The following TIFAB variants were observed in gnomAD, a reference collection of about 807,000 sequenced individuals.
The protein encoded by TIFAB is TIFA inhibitor.
For missense variants in TIFAB, 222 were observed against 203.6 expected (o/e 1.09, Z -0.55); for synonymous variants, 116 against 95.2 (o/e 1.22, Z -1.27).
rs764855688 is a variant in TIFAB at position 135,446,904 on chromosome 5, G to A, written c.*2550C>T. 5.6e-6 allele frequency: 9 copies of A among 1,613,406 alleles called. No homozygotes were observed. Among genetic ancestry groups the A allele is most frequent in the Non-Finnish European group, 7.6e-6 (9 of 1,179,586 alleles). ...GGCAAGGTTTTGTTCCTCCCTGGAG[G>A]GTAGAGACCCTCACTGAGGCCCTGG... On this transcript the variant is annotated 3_prime_UTR_variant, in exon 2 of 2. Coordinates refer to ENST00000537858, the MANE Select transcript of TIFAB (RefSeq NM_001099221.2).
At position 135,446,387 on chromosome 5, in the gene TIFAB, T is replaced by G; in HGVS notation, c.*3067A>C. The G allele has an allele frequency of 6.2e-7, 1 of 1,602,964 alleles. No homozygotes were observed. Among genetic ancestry groups the G allele is most frequent in the Non-Finnish European group, 8.5e-7 (1 of 1,172,032 alleles). ...ACGCACACATGTTCACTCAGGCACG[T>G]GGGCTGCCCTGCGGTGGGAGCTGAG... On this transcript the variant is annotated 3_prime_UTR_variant, in exon 2 of 2. Coordinates refer to ENST00000537858, the MANE Select transcript of TIFAB (RefSeq NM_001099221.2).
chr5:135,451,686 G>A (rs1057308884), intron 1 of TIFAB, among the ~76,000 whole-genome samples: 4 of 152,114 alleles, frequency 2.6e-5, no homozygotes, highest in African/African-American at 9.7e-5. Flanking sequence ...GTTTCGCCAT[G>A]TTGGCCAGGC....
rs1198718052 is a variant in TIFAB, at chr5:135,449,820, C to G, written c.120G>C (p.Arg40=). Residue 40 remains arginine (R), a synonymous_variant, in exon 2 of 2, where the codon CGG becomes CGC. Coordinates refer to ENST00000537858, the MANE Select transcript of TIFAB (RefSeq NM_001099221.2). ...GCAGCTGGAGGTGGGCGTCCTGCCC[C>G]CGTCCGAGAAGCAGAGGGCTGGTAT... The part of the protein sequence containing the change: ...QHDTSPLLLG[R]GQDAHLQLQL... 6.2e-7 allele frequency: 1 copy of G among 1,609,632 alleles called. No homozygotes were observed.
In TIFAB at chr5:135,447,064, G is replaced by T. The variant is rs370225970; in HGVS notation, c.*2390C>A. On this transcript the variant is annotated 3_prime_UTR_variant, in exon 2 of 2. Transcript: ENST00000537858. ...GGTGTCCAGGTACAGTCTCCAGGCC[G>T]TGGCTTCTCGAGTTCTGTATGTGGG... 4 of 1,613,914 alleles carry T rather than the reference G, an allele frequency of 2.5e-6. No homozygotes were observed. The highest frequency in any genetic ancestry group is 1.3e-5 in the African/African-American group (1 of 74,926).
At position 135,449,665 on chromosome 5, in the gene TIFAB, C is replaced by G. The variant is rs773530832; in HGVS notation, c.275G>C (p.Arg92Thr). The G allele has an allele frequency of 1.2e-6, 2 of 1,614,162 alleles. No individual in the cohort carries two copies. Among genetic ancestry groups the G allele is most frequent in the South Asian group, 1.1e-5 (1 of 91,086 alleles). The change falls in exon 2 of 2, where the codon AGG (arginine) becomes ACG (threonine). Residue 92 changes from arginine (R) to threonine (T), a missense_variant. Arg to Thr is a moderately conservative substitution (Grantham distance 71). Coordinates refer to ENST00000537858, the MANE Select transcript of TIFAB (RefSeq NM_001099221.2). ...GCTCAGGGGGACCTGCTCCAGGTAC[C>G]TCAGCGTCAGCCCATTGACCCACAC... ...GCVWVNGLTLRYLEQVPLSTV... is the reference protein window; with the variant it reads ...GCVWVNGLTLTYLEQVPLSTV...
rs1447481288 is a variant in TIFAB at position 135,446,247 on chromosome 5, A to T, written c.*3207T>A. On this transcript the variant is annotated 3_prime_UTR_variant, in exon 2 of 2. Transcript: ENST00000537858. ...AGAACTATAGTAAGTGGGGGTGGGG[A>T]CAAGAATTCTAACCCAGGCAGCAGT... 4 of 1,146,984 alleles carry T rather than the reference A, an allele frequency of 3.5e-6. No homozygotes were observed. The highest frequency in any genetic ancestry group is 3.7e-6 in the Non-Finnish European group (3 of 807,442). 71.1% of individuals were successfully genotyped at this position (1,146,984 alleles called of 1,614,324 possible).
At position 135,447,435 on chromosome 5, in the gene TIFAB, C is replaced by T. The variant is rs529769529; in HGVS notation, c.*2019G>A. ...TCAGGTCTCATGATAGTAGCTAACCCTTATTAAGTGTGTGCTGGGCACTGA... is the reference window on the plus strand; with the variant it reads ...TCAGGTCTCATGATAGTAGCTAACCTTTATTAAGTGTGTGCTGGGCACTGA... On this transcript the variant is annotated 3_prime_UTR_variant, in exon 2 of 2. Transcript: ENST00000537858. The T allele has an allele frequency of 6.7e-5, 26 of 387,404 alleles. No homozygotes were observed. Among genetic ancestry groups the T allele is most frequent in the African/African-American group, 5.2e-4 (25 of 48,210 alleles). The allele number at this position is 387,404 out of a possible 1,614,324, so 24.0% of individuals were successfully genotyped here.
In TIFAB at chr5:135,446,724, G is replaced by T. The variant is rs12518053; in HGVS notation, c.*2730C>A. ...CTGAAACTACAAACCAGATGTTTCC[G>T]GGCTCCCTCCCGCCTGGTCTGGCCT... On this transcript the variant is annotated 3_prime_UTR_variant, in exon 2 of 2. Coordinates refer to ENST00000537858, the MANE Select transcript of TIFAB (RefSeq NM_001099221.2). 795,394 of 1,613,234 alleles carry T rather than the reference G, an allele frequency of 0.49. 204,121 individuals carry two copies. Among genetic ancestry groups the T allele is most frequent in the African/African-American group, 0.89 (67,108 of 75,000 alleles).
In TIFAB at chr5:135,446,182, A is replaced by G; in HGVS notation, c.*3272T>C. The G allele has an allele frequency of 1.5e-6, 1 of 648,300 alleles. No homozygotes were observed. Among genetic ancestry groups the G allele is most frequent in the South Asian group, 2.3e-5 (1 of 44,084 alleles). 40.2% of individuals were successfully genotyped at this position (648,300 alleles called of 1,614,324 possible). A position where few individuals can be genotyped will look rare whatever the true frequency, so the allele number is the denominator to read the frequency against. On this transcript the variant is annotated 3_prime_UTR_variant, in exon 2 of 2. Transcript: ENST00000537858. Reference sequence around the variant, plus strand: ...ACTTTCCCGTTTTCTACAAGAAGAAACTGTGGCACGGAGAGATTCAGTTAC... The same window carrying G: ...ACTTTCCCGTTTTCTACAAGAAGAAGCTGTGGCACGGAGAGATTCAGTTAC...
In TIFAB at chr5:135,449,850, C is replaced by T; in HGVS notation, c.90G>A (p.Gln30=). ...CGAGAAGCAGAGGGCTGGTATCATG[C>T]TGCAGCCGTGGTGGGACATTGGCAA... is the stretch of plus-strand genomic sequence containing the variant. ...SAFANVPPRL[Q]HDTSPLLLGR... Residue 30 remains glutamine, a synonymous_variant, in exon 2 of 2, where the codon CAG becomes CAA. Coordinates refer to ENST00000537858, the MANE Select transcript of TIFAB (RefSeq NM_001099221.2). 1.9e-6 allele frequency: 3 copies of T among 1,595,608 alleles called. No individual in the cohort carries two copies. Among genetic ancestry groups the T allele is most frequent in the Non-Finnish European group, 2.6e-6 (3 of 1,168,664 alleles).
Position 135,451,977 on chromosome 5 carries a change from C to T in TIFAB, c.-11+232G>A, listed in dbSNP as rs113998357. Among the ~76,000 whole-genome samples, 1,048 of 152,372 alleles carry T rather than the reference C, an allele frequency of 6.9e-3. 20 individuals carry two copies. Among genetic ancestry groups the T allele is most frequent in the African/African-American group, 0.024 (1,001 of 41,592 alleles). ...GTGTGGCCTTACTCTCTGCTCCAACCAGAGCTAACAGAAATCTCCCACTAA... is the reference window on the plus strand; with the variant it reads ...GTGTGGCCTTACTCTCTGCTCCAACTAGAGCTAACAGAAATCTCCCACTAA... On this transcript the variant is annotated intron_variant, in intron 1 of 1. Coordinates refer to ENST00000537858, the MANE Select transcript of TIFAB (RefSeq NM_001099221.2).
intron 1 of TIFAB, among the ~76,000 whole-genome samples, chr5:135,451,061 AG>A (rs2150033838): frequency 6.6e-6 from 1 of 152,186 alleles, no homozygotes; most frequent in Non-Finnish European, 1.5e-5. Context: ...AGGCCTCCCA[AG>A]GGCTGGGTAT....
chr5:135,446,173 CAAG>C lies in TIFAB; in HGVS notation c.*3278_*3280del. ...GTACTGTGAACTTTCCCGTTTTCTA[CAAG>C]AAGAAACTGTGGCACGGAGAGATTC... On this transcript the variant is annotated 3_prime_UTR_variant, in exon 2 of 2. Coordinates refer to ENST00000537858, the MANE Select transcript of TIFAB (RefSeq NM_001099221.2). The C allele has an allele frequency of 1.6e-6, 1 of 618,380 alleles. No individual in the cohort carries two copies. Among genetic ancestry groups the C allele is most frequent in the South Asian group, 2.4e-5 (1 of 42,426 alleles). 38.3% of individuals were successfully genotyped at this position (618,380 alleles called of 1,614,324 possible).
At chr5:135,450,098 T>C (rs367552458) in intron 1 of TIFAB, 149 bp from the exon 2 acceptor site, 11 of 1,080,148 alleles carry the variant, frequency 1.0e-5, no homozygotes, top group South Asian at 5.9e-5. Flanking sequence ...AAGGCTGGAA[T>C]TGGTGTGGAA....
rs1417103624 is a variant in TIFAB at position 135,449,685 on chromosome 5, C to A, written c.255G>T (p.Trp85Cys). The change falls in exon 2 of 2, where the codon TGG becomes TGT. Residue 85 changes from tryptophan to cysteine, a missense_variant. Coordinates refer to ENST00000537858, the MANE Select transcript of TIFAB (RefSeq NM_001099221.2). ...GGTACCTCAGCGTCAGCCCATTGAC[C>A]CACACACAGCCCTTGCGGCTCAGGG... ...LKALSRKGCV[W>C]VNGLTLRYLE... The A allele has an allele frequency of 1.9e-6, 3 of 1,614,054 alleles. No individual in the cohort carries two copies. Among genetic ancestry groups the A allele is most frequent in the African/African-American group, 2.7e-5 (2 of 74,950 alleles).
intron 1 of TIFAB, 98 bp downstream of exon 1, chr5:135,452,111 A>C (rs531334597): frequency 1.3e-5 from 2 of 152,384 alleles, no homozygotes; most frequent in Admixed American, 1.3e-4. Context: ...GGCAGGAGGA[A>C]GACACTCCAG....
intron 1 of TIFAB, among the ~76,000 whole-genome samples, chr5:135,451,731 G>A (rs1457845730): frequency 4.6e-5 from 7 of 152,206 alleles, no homozygotes; most frequent in Middle Eastern, 3.4e-3. Flanking sequence ...TGATCCGCCC[G>A]CCCCGACCTT....
Position 135,452,315 on chromosome 5 carries a change from A to C in TIFAB, c.-117T>G, listed in dbSNP as rs1196901371. ...AGGGCTCCTATGGCTGCAGTTCAGGAACGTGGCAGAACATACTTCAGTTTT... is the reference window on the plus strand; with the variant it reads ...AGGGCTCCTATGGCTGCAGTTCAGGCACGTGGCAGAACATACTTCAGTTTT... On this transcript the variant is annotated 5_prime_UTR_variant, in exon 1 of 2. Transcript: ENST00000537858. The C allele has an allele frequency of 6.6e-6, 1 of 152,246 alleles. No individual in the cohort carries two copies. Among genetic ancestry groups the C allele is most frequent in the African/African-American group, 2.4e-5 (1 of 41,464 alleles). The allele number at this position is 152,246 out of a possible 1,614,324, so 9.4% of individuals were successfully genotyped here. A position where few individuals can be genotyped will look rare whatever the true frequency, so the allele number is the denominator to read the frequency against.
At position 135,446,164 on chromosome 5, in the gene TIFAB, C is replaced by T. The variant is rs1006648834; in HGVS notation, c.*3290G>A. ...AGGAGGTAAGTACTGTGAACTTTCC[C>T]GTTTTCTACAAGAAGAAACTGTGGC... On this transcript the variant is annotated 3_prime_UTR_variant, in exon 2 of 2. Transcript: ENST00000537858. 2.6e-5 allele frequency: 15 copies of T among 583,438 alleles called. No homozygotes were observed. Among genetic ancestry groups the T allele is most frequent in the Middle Eastern group, 4.7e-4 (1 of 2,110 alleles). The allele number at this position is 583,438 out of a possible 1,614,324, so 36.1% of individuals were successfully genotyped here.
Sources: gnomAD v4.1 joint callset for allele counts (sites outside exome capture counted in the v4.1 genomes callset) on GRCh38, gnomAD v4.1.1 for gene constraint, MANE v1.5 for transcripts, NCBI Gene and HGNC (gene_info 2026-07-23, HGNC 2026-07-21) for gene names.